Variants in RPL31 observed in about 807,000 individuals in gnomAD.
RPL31 encodes ribosomal protein L31.
For missense variants in RPL31, 95 were observed against 164.0 expected (o/e 0.58, Z 2.30); for synonymous variants, 51 against 55.0 (o/e 0.93, Z 0.32).
chr2:101,017,074 T>TA (rs376317331), intron 4 of RPL31, among the ~76,000 whole-genome samples: 1,818 of 132,990 alleles, frequency 0.014, 25 homozygotes, highest in African/African-American at 0.035. Context: ...TTAAAAGTAT[T>TA]AAAAAAAAAA....
At chr2:101,013,742 G>A (rs1679408820) in intron 4 of RPL31, among the ~76,000 whole-genome samples, 2 of 152,208 alleles carry the variant, frequency 1.3e-5, no homozygotes, top group Admixed American at 6.5e-5. Context: ...GAGGCGACAA[G>A]CCAGTTCCAC....
downstream of RPL31, chr2:101,008,071 G>A (rs748798704): frequency 9.9e-6 from 16 of 1,613,914 alleles, no homozygotes; most frequent in Admixed American, 6.7e-5. Flanking sequence ...TGCAAAAACC[G>A]AGTCCTCAGG....
downstream of RPL31, chr2:101,011,637 A>G: frequency 7.7e-7 from 1 of 1,294,140 alleles, no homozygotes; most frequent in East Asian, 2.4e-5. Flanking sequence ...CTAAGCCAGC[A>G]GCTCCCAGCC....
rs1678784582 is a variant in RPL31, at chr2:101,007,212, A to AAAG, written c.*834_*836dup. The AAAG allele has an allele frequency of 6.6e-6, 1 of 152,412 alleles. No homozygotes were observed. The highest frequency in any genetic ancestry group is 6.5e-5 in the Admixed American group (1 of 15,308). 9.4% of individuals were successfully genotyped at this position (152,412 alleles called of 1,614,324 possible). The stretch of plus-strand genomic sequence containing the variant: ...GCTTAAGACACTTAACTACAAGGTA[A>AAAG]AAGAAAAGGACCAAGTAAATACAAA... On this transcript the variant is annotated 3_prime_UTR_variant, in exon 5 of 5. Coordinates refer to ENST00000264258, the MANE Select transcript of RPL31 (RefSeq NM_000993.5).
chr2:101,002,516 T>C (rs1678578811), intron 1 of RPL31, 186 bp from the exon 2 acceptor site: 1 of 616,012 alleles, frequency 1.6e-6, no homozygotes, highest in Non-Finnish European at 2.9e-6. Flanking sequence ...GCGGCAGGGA[T>C]TTCCGGGTCG....
chr2:101,016,680 T>C (rs553684804), intron 4 of RPL31, among the ~76,000 whole-genome samples: 24 of 152,282 alleles, frequency 1.6e-4, no homozygotes, highest in Non-Finnish European at 2.1e-4. Context: ...AACCCAAATG[T>C]CCAACAAGGA....
intron 4 of RPL31, among the ~76,000 whole-genome samples, chr2:101,016,554 C>T (rs1226131524): frequency 2.0e-5 from 3 of 152,092 alleles, no homozygotes; most frequent in Non-Finnish European, 4.4e-5. Context: ...TACCATTTGA[C>T]CCAGCCATCC....
chr2:101,010,957 G>T, downstream of RPL31: 5 of 1,612,482 alleles, frequency 3.1e-6, no homozygotes, highest in Non-Finnish European at 2.5e-6. Flanking sequence ...TTCTTTCTCA[G>T]TTTTATCTTT....
chr2:101,019,136 G>T (rs1478880431), exon 5 of RPL31: 1 of 1,506,448 alleles, frequency 6.6e-7, no homozygotes, highest in East Asian at 2.4e-5. Context: ...CACCGAGGAC[G>T]TCTGTCTCCC....
intron 4 of RPL31, among the ~76,000 whole-genome samples, chr2:101,012,279 T>C (rs966966395): frequency 2.0e-5 from 3 of 152,192 alleles, no homozygotes; most frequent in African/African-American, 7.2e-5. Flanking sequence ...GTATTGTTCA[T>C]AGTAGCCAAA....
At chr2:101,018,892 T>G in intron 4 of RPL31, 4 of 1,449,320 alleles carry the variant, frequency 2.8e-6, no homozygotes, top group Non-Finnish European at 3.8e-6. Flanking sequence ...ATCCGTAGGT[T>G]TATCAATCTG....
chr2:101,006,976 T>TTAA lies in RPL31; in HGVS notation c.*598_*600dup, dbSNP rs1678769661. On this transcript the variant is annotated 3_prime_UTR_variant, in exon 5 of 5. Coordinates refer to ENST00000264258, the MANE Select transcript of RPL31 (RefSeq NM_000993.5). ...AAGGTATCAATAACAAAAATTTGTA[T>TTAA]TAATAGTTCAGTCCTAAAGCAGTGT... 6.6e-6 allele frequency: 1 copy of TTAA among 152,270 alleles called. No homozygotes were observed. The highest frequency in any genetic ancestry group is 1.5e-5 in the Non-Finnish European group (1 of 68,076). The allele number at this position is 152,270 out of a possible 1,614,324, so 9.4% of individuals were successfully genotyped here. A position where few individuals can be genotyped will look rare whatever the true frequency, so the allele number is the denominator to read the frequency against.
Position 101,002,826 on chromosome 2 carries a change from C to T in RPL31, c.107+18C>T, listed in dbSNP as rs1678590264. On this transcript the variant is annotated intron_variant, in intron 2 of 4. Transcript: ENST00000264258. ...CATGGAGTGTGAGTATCCCTCTAGC[C>T]GCCCTGGGTCTCGAACTCACGCGTC... 15 of 1,575,244 alleles carry T rather than the reference C, an allele frequency of 9.5e-6. No individual in the cohort carries two copies. Among genetic ancestry groups the T allele is most frequent in the Non-Finnish European group, 1.3e-5 (15 of 1,144,654 alleles).
exon 5 of RPL31, chr2:101,019,013 G>A (rs958891398): frequency 6.2e-7 from 1 of 1,612,540 alleles, no homozygotes; most frequent in African/African-American, 1.3e-5. Flanking sequence ...GTGCTAAACA[G>A]TGTTACAGTC....
downstream of RPL31, chr2:101,010,784 A>C: frequency 1.6e-6 from 1 of 618,344 alleles, no homozygotes; most frequent in Non-Finnish European, 2.8e-6. Context: ...CAGGAGGCTG[A>C]GGCAGGAGAA....
chr2:101,007,941 A>G (rs778651202), downstream of RPL31: 1 of 1,614,060 alleles, frequency 6.2e-7, no homozygotes, highest in Non-Finnish European at 8.5e-7. Context: ...GCTTTTCAAA[A>G]AAGTTGACTA....
Position 101,006,452 on chromosome 2 carries a change from ATGTACT to A in RPL31, c.*76_*81del. The A allele has an allele frequency of 1.4e-6, 2 of 1,389,758 alleles. No homozygotes were observed. The highest frequency in any genetic ancestry group is 2.0e-6 in the Non-Finnish European group (2 of 999,066). 86.1% of individuals were successfully genotyped at this position (1,389,758 alleles called of 1,614,324 possible). On this transcript the variant is annotated 3_prime_UTR_variant, in exon 5 of 5. Coordinates refer to ENST00000264258, the MANE Select transcript of RPL31 (RefSeq NM_000993.5). ...TTTTGTTCTTTTTAGTTGCAACATA[ATGTACT>A]TGTATACCCTATCCTAATTATGGGA...
intron 3 of RPL31, chr2:101,004,586 C>G (rs1395343505): frequency 5.0e-6 from 2 of 399,900 alleles, no homozygotes; most frequent in Non-Finnish European, 8.8e-6. Flanking sequence ...TGGAATAAAT[C>G]ACTGTGAGCC....
At chr2:101,018,556 T>C (rs949284713) in intron 4 of RPL31, among the ~76,000 whole-genome samples, 3 of 152,192 alleles carry the variant, frequency 2.0e-5, no homozygotes, top group Admixed American at 2.0e-4. Context: ...CAGCTTCAAT[T>C]TTATTAATCA....
Sources: allele counts gnomAD v4.1 joint callset (sites outside exome capture counted in the v4.1 genomes callset), GRCh38; gene constraint gnomAD v4.1.1; transcripts MANE v1.5; gene names NCBI Gene and HGNC (gene_info 2026-07-23, HGNC 2026-07-21).